ACTR3C: variants seen among roughly 807,000 people sequenced by gnomAD.
ACTR3C encodes the protein actin related protein 3C, also known as actin-related protein 3C.
Under a neutral mutation model 26.3 loss-of-function variants are expected in ACTR3C, and 18 were observed. The ratio of observed to expected loss-of-function variants is 0.68; its 90% confidence interval spans 0.47 to 1.01. The LOEUF (loss-of-function observed/expected upper bound fraction) is 1.01, where lower values mean the gene tolerates loss of function less well. Among genes scored for constraint, ACTR3C ranks in the 50% least tolerant of loss-of-function variants. The pLI, the probability that ACTR3C is intolerant of heterozygous loss-of-function variation, is 0.00. For synonymous variants in ACTR3C, 55 were observed against 94.5 expected (o/e 0.58, Z 2.42); for missense variants, 184 against 250.7 (o/e 0.73, Z 1.80).
the ACTR3C span, among the ~76,000 whole-genome samples, chr7:150,052,053 T>G: frequency 5.9e-5 from 9 of 152,228 alleles, no homozygotes; most frequent in Middle Eastern, 3.4e-3. Context: ...AGAAATGAAA[T>G]GGCTAAGTTA....
chr7:150,198,680 C>T, the ACTR3C span, among the ~76,000 whole-genome samples: 1 of 149,100 alleles, frequency 6.7e-6, no homozygotes, highest in Non-Finnish European at 1.5e-5. Flanking sequence ...AGGAGCCTCT[C>T]CGCCCGGCAG....
At chr7:150,100,014 A>G in the ACTR3C span, among the ~76,000 whole-genome samples, 7 of 151,230 alleles carry the variant, frequency 4.6e-5, no homozygotes, top group African/African-American at 1.7e-4. Context: ...TTTATTCCAA[A>G]CCCTTCTTAT....
At chr7:149,959,869 T>TAC in the ACTR3C span, among the ~76,000 whole-genome samples, 1 of 152,198 alleles carries the variant, frequency 6.6e-6, no homozygotes, top group Non-Finnish European at 1.5e-5. Flanking sequence ...TGAGCGGACA[T>TAC]ACACTGTGGT....
chr7:150,039,348 CGTGGGGTT>C, the ACTR3C span, among the ~76,000 whole-genome samples: 1 of 141,540 alleles, frequency 7.1e-6, no homozygotes, highest in Admixed American at 6.8e-5. Flanking sequence ...TCCCCACCCT[CGTGGGGTT>C]GCCTCCCCCT....
the ACTR3C span, among the ~76,000 whole-genome samples, chr7:150,084,469 G>T: frequency 4.6e-5 from 7 of 152,136 alleles, no homozygotes; most frequent in Admixed American, 1.3e-4. Context: ...TTGTGTGGCG[G>T]GGGGAGAGAG....
chr7:150,139,049 A>C, the ACTR3C span, among the ~76,000 whole-genome samples: 7 of 152,406 alleles, frequency 4.6e-5, no homozygotes, highest in Non-Finnish European at 1.0e-4. Context: ...CAGGTATTTC[A>C]TTATACGTTA....
the ACTR3C span, among the ~76,000 whole-genome samples, chr7:150,225,747 T>C: frequency 6.6e-6 from 1 of 152,240 alleles, no homozygotes; most frequent in Non-Finnish European, 1.5e-5. Flanking sequence ...CCTGACCTCC[T>C]AAATACGATT....
chr7:150,006,324 G>A, the ACTR3C span, among the ~76,000 whole-genome samples: 2 of 151,176 alleles, frequency 1.3e-5, no homozygotes, highest in East Asian at 3.9e-4. Context: ...AGCCTCCCGA[G>A]TAGCTGGGAC....
the ACTR3C span, among the ~76,000 whole-genome samples, chr7:150,123,430 G>A: frequency 6.6e-6 from 1 of 152,160 alleles, no homozygotes; most frequent in Non-Finnish European, 1.5e-5. Context: ...GGCTGCTGCT[G>A]TCAGCCACAA....
the ACTR3C span, among the ~76,000 whole-genome samples, chr7:149,899,179 A>G: frequency 6.6e-6 from 1 of 152,024 alleles, no homozygotes; most frequent in Non-Finnish European, 1.5e-5. Context: ...TACCCAAAGT[A>G]TCTAGGTTTC....
intron 4 of ACTR3C, among the ~76,000 whole-genome samples, chr7:150,287,686 C>T (rs1260823057): frequency 6.6e-6 from 1 of 151,180 alleles, no homozygotes; most frequent in Non-Finnish European, 1.5e-5. Context: ...TATTCTAATG[C>T]CATCTTCTGG....
chr7:150,249,778 G>A (rs1297424823), intron 6 of ACTR3C, among the ~76,000 whole-genome samples: 4 of 152,256 alleles, frequency 2.6e-5, no homozygotes, highest in Middle Eastern at 3.4e-3. Context: ...TTTTAAAAGC[G>A]ATATTTGATG....
At chr7:150,139,964 A>G in the ACTR3C span, among the ~76,000 whole-genome samples, 2 of 151,846 alleles carry the variant, frequency 1.3e-5, no homozygotes, top group Admixed American at 1.3e-4. Context: ...GAAATCACAC[A>G]CAAATATGCA....
the ACTR3C span, among the ~76,000 whole-genome samples, chr7:150,034,865 C>CT: frequency 3.9e-5 from 5 of 129,634 alleles, no homozygotes; most frequent in South Asian, 9.8e-4. Flanking sequence ...AGTGGGGGAA[C>CT]AGGGGCTGGC....
chr7:150,309,331 A>G (rs1205755405), intron 1 of ACTR3C, among the ~76,000 whole-genome samples: 1 of 152,230 alleles, frequency 6.6e-6, no homozygotes, highest in Non-Finnish European at 1.5e-5. Flanking sequence ...CTCGAGGGCC[A>G]GAAGGCCATC....
chr7:150,034,643 C>A, the ACTR3C span, among the ~76,000 whole-genome samples: 2 of 112,768 alleles, frequency 1.8e-5, no homozygotes, highest in Non-Finnish European at 4.0e-5. Context: ...TGCCTTCGGA[C>A]CCGTCGGATC....
the ACTR3C span, among the ~76,000 whole-genome samples, chr7:150,080,742 G>A: frequency 1.2e-4 from 19 of 152,204 alleles, no homozygotes; most frequent in Middle Eastern, 3.4e-3. Context: ...GTGAATGAAG[G>A]TTCCATGGAC....
In ACTR3C at chr7:150,249,066, A is replaced by C. The variant is rs1832653196; in HGVS notation, c.565-12T>G. On this transcript the variant is annotated splice_polypyrimidine_tract_variant and intron_variant, in intron 6 of 7. Coordinates refer to ENST00000683684, the MANE Select transcript of ACTR3C (RefSeq NM_001164458.2). ...GGAATTTGTTCCATCTGAAAAACAG[A>C]GAAAACAGTTATAGGGCAGCAGAGT... 2 of 667,034 alleles carry C rather than the reference A, an allele frequency of 3.0e-6. No homozygotes were observed. The highest frequency in any genetic ancestry group is 3.6e-5 in the African/African-American group (2 of 55,722). The allele number at this position is 667,034 out of a possible 1,614,324, so 41.3% of individuals were successfully genotyped here. A position where few individuals can be genotyped will look rare whatever the true frequency, so the allele number is the denominator to read the frequency against.
chr7:149,884,999 A>T, the ACTR3C span, among the ~76,000 whole-genome samples: 1 of 152,020 alleles, frequency 6.6e-6, no homozygotes, highest in Admixed American at 6.6e-5. Context: ...TGGGCTAGAT[A>T]ATTCTTTGGG....
Sources: gnomAD v4.1 joint callset for allele counts (sites outside exome capture counted in the v4.1 genomes callset) on GRCh38, gnomAD v4.1.1 for gene constraint, MANE v1.5 for transcripts, NCBI Gene and HGNC (gene_info 2026-07-23, HGNC 2026-07-21) for gene names.